Variants in PTMS observed in about 807,000 individuals in gnomAD.
PTMS encodes the protein parathymosin.
In PTMS, 5 loss-of-function variants were observed where a neutral mutation model predicts 18.4. That is an observed-to-expected ratio of 0.27 (90% CI 0.14 to 0.57). PTMS has a LOEUF of 0.57. Among genes scored for constraint, PTMS ranks in the 20% least tolerant of loss-of-function variants. The pLI, the probability that PTMS is intolerant of heterozygous loss-of-function variation, is 0.92. For missense variants in PTMS, 93 were observed against 124.6 expected, an observed-to-expected ratio of 0.75 and a Z score of 1.21; for synonymous variants, 53 against 47.7, an observed-to-expected ratio of 1.11 and a Z score of -0.46.
Position 6,770,774 on chromosome 12 carries a change from C to T in PTMS, c.*332C>T, listed in dbSNP as rs1941829062. 2.3e-6 allele frequency: 1 copy of T among 429,900 alleles called. No individual in the cohort carries two copies. The highest frequency in any genetic ancestry group is 3.6e-5 in the Admixed American group (1 of 28,142). 26.6% of individuals were successfully genotyped at this position (429,900 alleles called of 1,614,324 possible). A position where few individuals can be genotyped will look rare whatever the true frequency, so the allele number is the denominator to read the frequency against. On this transcript the variant is annotated 3_prime_UTR_variant, in exon 5 of 5. Coordinates refer to ENST00000309083, the MANE Select transcript of PTMS (RefSeq NM_002824.6). This position sits in a 1 kb window ranked among gnomAD's most constrained non-coding sequence, Gnocchi z 7.3. ...TCTCCCACCTAACCTCTGCATCCCC[C>T]AGCCTCATGTCCTGCCCCATCCCTA... is the stretch of plus-strand genomic sequence containing the variant.
chr12:6,769,216 A>C (rs1941807361), intron 1 of PTMS: 1 of 248,636 alleles, frequency 4.0e-6, no homozygotes, highest in South Asian at 4.4e-5. Flanking sequence ...GTGGCGGGGC[A>C]GGCAAGGGAG....
Position 6,769,597 on chromosome 12 carries a change from T to C in PTMS, c.46-6T>C. On this transcript the variant is annotated splice_polypyrimidine_tract_variant and splice_region_variant and intron_variant, in intron 1 of 4. Transcript: ENST00000309083. Reference sequence around the variant, plus strand: ...GTGAGAAAGGTGACCTCTTTCTCCTTTGCAGGACCTGAAGGAGAAGAAGGA... The same window carrying C: ...GTGAGAAAGGTGACCTCTTTCTCCTCTGCAGGACCTGAAGGAGAAGAAGGA... 1 of 1,614,020 alleles carries C rather than the reference T, an allele frequency of 6.2e-7. No homozygotes were observed. The highest frequency in any genetic ancestry group is 1.1e-5 in the South Asian group (1 of 91,072).
intron 1 of PTMS, chr12:6,767,350 C>A (rs556414901): frequency 6.6e-6 from 1 of 152,180 alleles, no homozygotes; most frequent in East Asian, 1.9e-4. Context: ...GAAAGAATCT[C>A]GAATTCCTAA....
Position 6,770,076 on chromosome 12 carries a change from C to T in PTMS, c.196+77C>T, listed in dbSNP as rs1480987805. The T allele has an allele frequency of 3.1e-6, 5 of 1,603,428 alleles. No individual in the cohort carries two copies. Among genetic ancestry groups the T allele is most frequent in the Non-Finnish European group, 4.3e-6 (5 of 1,175,238 alleles). On this transcript the variant is annotated intron_variant, in intron 3 of 4. Coordinates refer to ENST00000309083, the MANE Select transcript of PTMS (RefSeq NM_002824.6). The surrounding 1 kb of genome is among the most constrained non-coding windows in gnomAD (Gnocchi z 7.3). ...GCAGAGTCAGGGTGGGTTTGAAGAC[C>T]TGAAGCAGGGCTGAGGGCGACCACG...
At chr12:6,769,181 G>A (rs1941806740) in intron 1 of PTMS, 1 of 247,098 alleles carries the variant, frequency 4.0e-6, no homozygotes, top group Non-Finnish European at 7.9e-6. Flanking sequence ...CCCAGAGGTA[G>A]ACAAAAGGCA....
chr12:6,769,173 C>T, intron 1 of PTMS: 1 of 240,294 alleles, frequency 4.2e-6, no homozygotes, highest in Non-Finnish European at 8.1e-6. Flanking sequence ...GAAAAGGCCC[C>T]AGAGGTAGAC....
At position 6,770,337 on chromosome 12, in the gene PTMS, A is replaced by G; in HGVS notation, c.259-55A>G. 2 of 1,609,042 alleles carry G rather than the reference A, an allele frequency of 1.2e-6. No individual in the cohort carries two copies. Among genetic ancestry groups the G allele is most frequent in the South Asian group, 1.1e-5 (1 of 90,954 alleles). On this transcript the variant is annotated intron_variant, in intron 4 of 4. Coordinates refer to ENST00000309083, the MANE Select transcript of PTMS (RefSeq NM_002824.6). This position sits in a 1 kb window ranked among gnomAD's most constrained non-coding sequence, Gnocchi z 7.3. ...GTGGGGGCTGGAACAGGACCGGGACAGGGGGAGGTCTCCCCTCCCATTTTA... is the reference window on the plus strand; with the variant it reads ...GTGGGGGCTGGAACAGGACCGGGACGGGGGGAGGTCTCCCCTCCCATTTTA...
At chr12:6,767,600 G>GC (rs1363372536) in intron 1 of PTMS, 1 of 136,326 alleles carries the variant, frequency 7.3e-6, no homozygotes, top group African/African-American at 2.7e-5. Flanking sequence ...GTGTATGGCG[G>GC]GGGGGGGGGG....
At position 6,770,634 on chromosome 12, in the gene PTMS, T is replaced by C. The variant is rs1477621315; in HGVS notation, c.*192T>C. 1.5e-6 allele frequency: 1 copy of C among 659,966 alleles called. No homozygotes were observed. Among genetic ancestry groups the C allele is most frequent in the African/African-American group, 1.8e-5 (1 of 54,850 alleles). The allele number at this position is 659,966 out of a possible 1,614,324, so 40.9% of individuals were successfully genotyped here. On this transcript the variant is annotated 3_prime_UTR_variant, in exon 5 of 5. Transcript: ENST00000309083. The surrounding 1 kb of genome is among the most constrained non-coding windows in gnomAD (Gnocchi z 7.3). ...TGCGCCCTCCACCCTCACTCTGCCA[T>C]TGTTCCACCTCCTGACCTGCTCCAT...
rs1480253325 is a variant in PTMS, at chr12:6,769,965, G to C, written c.162G>C (p.Glu54Asp). 1.9e-6 allele frequency: 3 copies of C among 1,554,040 alleles called. No homozygotes were observed. Among genetic ancestry groups the C allele is most frequent in the Non-Finnish European group, 2.6e-6 (3 of 1,147,974 alleles). ...GAEEEEEETAEDGEEEDEGEE... is the reference protein window; with the variant it reads ...GAEEEEEETADDGEEEDEGEE... ...AGGAGGAAGAAGAAGAAACTGCCGA[G>C]GATGGAGAGGAGGAAGATGAAGGGG... Residue 54 changes from glutamate to aspartate, a missense_variant, in exon 3 of 5, where the codon GAG (glutamate) becomes GAC (aspartate). By Grantham distance (45) the Glu-to-Asp change is conservative. Coordinates refer to ENST00000309083, the MANE Select transcript of PTMS (RefSeq NM_002824.6).
In PTMS at chr12:6,766,700, G is replaced by A. The variant is rs1941770389; in HGVS notation, c.-6G>A. ...CCCCGCCAGCCCCGGCCCCGGCCCC[G>A]GCACCATGTCGGAGAAAAGCGTGGA... On this transcript the variant is annotated 5_prime_UTR_variant, in exon 1 of 5. Coordinates refer to ENST00000309083, the MANE Select transcript of PTMS (RefSeq NM_002824.6). 1.8e-6 allele frequency: 2 copies of A among 1,127,872 alleles called. No individual in the cohort carries two copies. The highest frequency in any genetic ancestry group is 2.2e-6 in the Non-Finnish European group (2 of 917,176). The allele number at this position is 1,127,872 out of a possible 1,614,324, so 69.9% of individuals were successfully genotyped here.
At chr12:6,769,088 A>C (rs1265074679) in intron 1 of PTMS, 1 of 196,924 alleles carries the variant, frequency 5.1e-6, no homozygotes, top group Non-Finnish European at 1.0e-5. Context: ...TTAGGGAGAC[A>C]CAGATGGAGA....
intron 1 of PTMS, chr12:6,769,004 G>A (rs558879837): frequency 2.2e-4 from 35 of 158,956 alleles, no homozygotes; most frequent in Non-Finnish European, 4.1e-4. Context: ...GTTTTGGGGC[G>A]GGGAGGGCAG....
rs928372177 is a variant in PTMS, at chr12:6,770,433, A to G, written c.300A>G (p.Ala100=). ...AACGGCAGAAGACAGAAAATGGGGC[A>G]TCGGCGTGAGCCCCTGCCAACAGGC... ...DPKRQKTENG[A]SA Residue 100 remains alanine, a synonymous_variant, in exon 5 of 5, where the codon GCA becomes GCG. Coordinates refer to ENST00000309083, the MANE Select transcript of PTMS (RefSeq NM_002824.6). This position sits in a 1 kb window ranked among gnomAD's most constrained non-coding sequence, Gnocchi z 7.3. 2.3e-5 allele frequency: 37 copies of G among 1,608,362 alleles called. No homozygotes were observed. Among genetic ancestry groups the G allele is most frequent in the Non-Finnish European group, 3.0e-5 (35 of 1,178,800 alleles).
intron 1 of PTMS, chr12:6,767,601 G>GGC (rs1555110930): frequency 1.4e-5 from 2 of 140,020 alleles, no homozygotes; most frequent in Non-Finnish European, 3.1e-5. Context: ...TGTATGGCGG[G>GGC]GGGGGGGGGC....
Position 6,770,771 on chromosome 12 carries a change from C to T in PTMS, c.*329C>T. 2.3e-6 allele frequency: 1 copy of T among 432,554 alleles called. No homozygotes were observed. The highest frequency in any genetic ancestry group is 4.3e-6 in the Non-Finnish European group (1 of 231,692). The allele number at this position is 432,554 out of a possible 1,614,324, so 26.8% of individuals were successfully genotyped here. A position where few individuals can be genotyped will look rare whatever the true frequency, so the allele number is the denominator to read the frequency against. The stretch of plus-strand genomic sequence containing the variant: ...GCCTCTCCCACCTAACCTCTGCATC[C>T]CCCAGCCTCATGTCCTGCCCCATCC... On this transcript the variant is annotated 3_prime_UTR_variant, in exon 5 of 5. Coordinates refer to ENST00000309083, the MANE Select transcript of PTMS (RefSeq NM_002824.6). This position sits in a 1 kb window ranked among gnomAD's most constrained non-coding sequence, Gnocchi z 7.3.
intron 2 of PTMS, 93 bp downstream of exon 2, chr12:6,769,767 G>C (rs111982897): frequency 0.019 from 29,635 of 1,599,140 alleles, 717 homozygotes; most frequent in African/African-American, 0.12. Flanking sequence ...GAGGGTGCTG[G>C]GTCCTGCCGT....
At position 6,770,488 on chromosome 12, in the gene PTMS, G is replaced by A. The variant is rs2137801669; in HGVS notation, c.*46G>A. ...GTTGGGAGGCCTCTCTGGGCCTGGAGGTGGGGGTGGGGGCAGCCAAGTCCA... is the reference window on the plus strand; with the variant it reads ...GTTGGGAGGCCTCTCTGGGCCTGGAAGTGGGGGTGGGGGCAGCCAAGTCCA... On this transcript the variant is annotated 3_prime_UTR_variant, in exon 5 of 5. Transcript: ENST00000309083. The surrounding 1 kb of genome is among the most constrained non-coding windows in gnomAD (Gnocchi z 7.3). 3.8e-6 allele frequency: 6 copies of A among 1,587,250 alleles called. No individual in the cohort carries two copies. Among genetic ancestry groups the A allele is most frequent in the Non-Finnish European group, 5.2e-6 (6 of 1,156,516 alleles).
At chr12:6,769,254 A>C (rs1941808296) in intron 1 of PTMS, 3 of 301,848 alleles carry the variant, frequency 9.9e-6, no homozygotes, top group Non-Finnish European at 1.2e-5. Context: ...GGGGCGGGGC[A>C]CTGAGGCTGC....
Sources: allele counts gnomAD v4.1 joint callset, GRCh38; gene constraint gnomAD v4.1.1; non-coding constraint Gnocchi (gnomAD v3.1); transcripts MANE v1.5; gene names NCBI Gene and HGNC (gene_info 2026-07-23, HGNC 2026-07-21).